The following CEP128 variants were observed in gnomAD, a reference collection of about 807,000 sequenced individuals.
CEP128 encodes centrosomal protein 128.
CEP128 carries 132 observed loss-of-function variants against 156.7 expected under a neutral mutation model. That is an observed-to-expected ratio of 0.84 (90% CI 0.73 to 0.97). The LOEUF (loss-of-function observed/expected upper bound fraction) is 0.97. Ranked by LOEUF, CEP128 falls within the 50% of genes least tolerant of loss-of-function variation. The pLI is 0.00. For missense variants in CEP128, 1,252 were observed against 1,281.9 expected, an observed-to-expected ratio of 0.98 and a Z score of 0.36; for synonymous variants, 469 against 448.9, an observed-to-expected ratio of 1.04 and a Z score of -0.57.
intron 19 of CEP128, among the ~76,000 whole-genome samples, chr14:80,730,054 A>G (rs372283688): frequency 6.6e-6 from 1 of 152,208 alleles, no homozygotes. Flanking sequence ...GAGTGTACAC[A>G]TTGAATAGCC....
At chr14:80,777,701 C>T (rs941959909) in intron 16 of CEP128, among the ~76,000 whole-genome samples, 181 bp downstream of exon 16, 2 of 152,112 alleles carry the variant, frequency 1.3e-5, no homozygotes, top group African/African-American at 4.8e-5. Flanking sequence ...GTATTAGAAG[C>T]TGAATGGGTG....
intron 19 of CEP128, among the ~76,000 whole-genome samples, chr14:80,592,503 A>G (rs957457031): frequency 6.6e-6 from 1 of 152,236 alleles, no homozygotes; most frequent in African/African-American, 2.4e-5. Flanking sequence ...AAATTGAGGT[A>G]GTAATAGCCT....
At chr14:80,653,041 A>G (rs1894976592) in intron 19 of CEP128, among the ~76,000 whole-genome samples, 3 of 152,192 alleles carry the variant, frequency 2.0e-5, no homozygotes. Context: ...CTTTGCAGAA[A>G]CATGCATGAA....
intron 9 of CEP128, among the ~76,000 whole-genome samples, chr14:80,849,153 A>G (rs1273100560): frequency 6.6e-6 from 1 of 152,208 alleles, no homozygotes; most frequent in African/African-American, 2.4e-5. Context: ...GGAGAAAAGG[A>G]GAGGCAAAGA....
At chr14:80,844,890 T>C (rs1458264645) in intron 9 of CEP128, among the ~76,000 whole-genome samples, 2 of 152,154 alleles carry the variant, frequency 1.3e-5, no homozygotes, top group Admixed American at 6.6e-5. Flanking sequence ...ACAAACTTCT[T>C]GGTTCCACTA....
intron 6 of CEP128, 93 bp from the exon 7 acceptor site, chr14:80,900,122 C>A: frequency 1.4e-6 from 1 of 714,534 alleles, no homozygotes; most frequent in Non-Finnish European, 2.3e-6. Flanking sequence ...TTGTTCCTTG[C>A]AATAATAACC....
chr14:80,554,651 A>C (rs1025558317), intron 21 of CEP128, among the ~76,000 whole-genome samples: 1 of 152,094 alleles, frequency 6.6e-6, no homozygotes, highest in Admixed American at 6.6e-5. Flanking sequence ...AATTATTCAG[A>C]ACACTTTGTT....
At chr14:80,822,027 G>C (rs1424594286) in intron 13 of CEP128, among the ~76,000 whole-genome samples, 15 of 152,024 alleles carry the variant, frequency 9.9e-5, no homozygotes, top group Non-Finnish European at 2.9e-5. Context: ...GACAAGCACA[G>C]GAAAGACCTG....
intron 2 of CEP128, 31 bp downstream of exon 2, chr14:80,939,354 T>C (rs1886021422): frequency 6.6e-6 from 1 of 152,194 alleles, no homozygotes; most frequent in Non-Finnish European, 1.5e-5. Flanking sequence ...AAATGTGTTA[T>C]CTCAGAAACT....
At position 80,504,806 on chromosome 14, in the gene CEP128, C is replaced by T. The variant is rs77509253; in HGVS notation, c.3181+106G>A. ...TTTGTATGATTCATGAGGATTTTCT[C>T]AGACTTATGAATATTACTATCATAT... On this transcript the variant is annotated intron_variant, in intron 24 of 24. Transcript: ENST00000555265. 3,918 of 418,664 alleles carry T rather than the reference C, an allele frequency of 9.4e-3. 47 individuals carry two copies. Among genetic ancestry groups the T allele is most frequent in the Middle Eastern group, 0.032 (62 of 1,916 alleles). The allele number at this position is 418,664 out of a possible 1,614,324, so 25.9% of individuals were successfully genotyped here.
chr14:80,504,708 G>A (rs370930430), intron 24 of CEP128, among the ~76,000 whole-genome samples: 2 of 152,132 alleles, frequency 1.3e-5, no homozygotes, highest in Admixed American at 6.5e-5. Context: ...TCTGAGAAGC[G>A]TAAAGTCTAA....
At chr14:80,804,859 A>G (rs953069101) in intron 13 of CEP128, among the ~76,000 whole-genome samples, 1 of 152,140 alleles carries the variant, frequency 6.6e-6, no homozygotes, top group East Asian at 1.9e-4. Flanking sequence ...TGATGTGTGT[A>G]TATGTATTTA....
intron 16 of CEP128, among the ~76,000 whole-genome samples, chr14:80,763,756 A>C (rs1412675498): frequency 6.6e-6 from 1 of 152,204 alleles, no homozygotes; most frequent in Non-Finnish European, 1.5e-5. Context: ...CACTTTGCTG[A>C]ATAAATGATT....
chr14:80,526,423 G>A (rs997841740), intron 23 of CEP128, among the ~76,000 whole-genome samples: 1 of 152,074 alleles, frequency 6.6e-6, no homozygotes, highest in Non-Finnish European at 1.5e-5. Context: ...ACCAAAAGCT[G>A]AAGTATTAAT....
chr14:80,570,588 T>C (rs1321754219), intron 20 of CEP128, among the ~76,000 whole-genome samples: 1 of 152,094 alleles, frequency 6.6e-6, no homozygotes, highest in African/African-American at 2.4e-5. Context: ...TCCATTTGAC[T>C]CAAAACAGTC....
At chr14:80,536,743 T>C (rs777115892) in intron 21 of CEP128, among the ~76,000 whole-genome samples, 9 of 152,284 alleles carry the variant, frequency 5.9e-5, no homozygotes, top group Non-Finnish European at 1.0e-4. Context: ...TAGCAGAGAA[T>C]AGGCCACCGA....
chr14:80,672,524 G>A (rs1362152461), intron 19 of CEP128, among the ~76,000 whole-genome samples: 1 of 152,180 alleles, frequency 6.6e-6, no homozygotes, highest in East Asian at 1.9e-4. Flanking sequence ...ATGTGTGCAT[G>A]TGTGTGTAGG....
chr14:80,817,608 C>A (rs558181239), intron 13 of CEP128, among the ~76,000 whole-genome samples: 1 of 152,072 alleles, frequency 6.6e-6, no homozygotes, highest in Admixed American at 6.6e-5. Context: ...TGAGGCCGGG[C>A]GCAGTGGCTC....
At chr14:80,804,028 C>A (rs1286847161) in intron 13 of CEP128, among the ~76,000 whole-genome samples, 2 of 151,836 alleles carry the variant, frequency 1.3e-5, no homozygotes, top group African/African-American at 4.8e-5. Flanking sequence ...ATAAAACAAA[C>A]TTTTTAGTAT....
Sources: allele counts gnomAD v4.1 joint callset (sites outside exome capture counted in the v4.1 genomes callset), GRCh38; gene constraint gnomAD v4.1.1; transcripts MANE v1.5; gene names NCBI Gene and HGNC (gene_info 2026-07-23, HGNC 2026-07-21).